The following LRRC37A2 variants were observed in gnomAD, a reference collection of about 807,000 sequenced individuals.
LRRC37A2 encodes the protein leucine rich repeat containing 37 member A2.
Under a neutral mutation model 68.8 loss-of-function variants are expected in LRRC37A2, and 9 were observed. The ratio of observed to expected loss-of-function variants is 0.13; its 90% confidence interval spans 0.08 to 0.23. LRRC37A2 has a LOEUF of 0.23. Ranked by LOEUF, LRRC37A2 falls within the 10% of genes least tolerant of loss-of-function variation. The pLI is 1.00. For synonymous variants in LRRC37A2, 63 were observed against 367.6 expected, an observed-to-expected ratio of 0.17 and a Z score of 9.48; for missense variants, 168 against 950.4, an observed-to-expected ratio of 0.18 and a Z score of 10.82.
chr17:46,773,615 C>T, the LRRC37A2 span: 1 of 1,035,722 alleles, frequency 9.7e-7, no homozygotes, highest in South Asian at 1.4e-5. Context: ...GCATACAGTC[C>T]TGATCCCTCC....
At chr17:46,573,076 A>G in the LRRC37A2 span, among the ~76,000 whole-genome samples, 1 of 96,074 alleles carries the variant, frequency 1.0e-5, no homozygotes, top group Non-Finnish European at 2.2e-5. Flanking sequence ...CCAAATCCCA[A>G]ACATGACTGT....
At chr17:47,032,814 A>C in the LRRC37A2 span, among the ~76,000 whole-genome samples, 2 of 152,198 alleles carry the variant, frequency 1.3e-5, no homozygotes, top group East Asian at 3.8e-4. Context: ...AGAAAGTGAC[A>C]GAGCCAGAAT....
chr17:46,805,012 G>C, the LRRC37A2 span, among the ~76,000 whole-genome samples: 1 of 146,770 alleles, frequency 6.8e-6, no homozygotes, highest in Non-Finnish European at 1.5e-5. Context: ...GATAACTCTT[G>C]CTGTTGCTCA....
At chr17:46,541,594 T>C (rs1396711649) in intron 8 of LRRC37A2, among the ~76,000 whole-genome samples, 1 of 150,906 alleles carries the variant, frequency 6.6e-6, no homozygotes. Flanking sequence ...ACCATCCATG[T>C]TGTTGCACCT....
the LRRC37A2 span, among the ~76,000 whole-genome samples, chr17:46,956,989 C>T: frequency 0.016 from 2,486 of 152,266 alleles, 68 homozygotes; most frequent in African/African-American, 0.057. Flanking sequence ...GTGAGCTGGG[C>T]GAGGCTGCCC....
At chr17:47,028,035 C>T in the LRRC37A2 span, among the ~76,000 whole-genome samples, 1 of 152,170 alleles carries the variant, frequency 6.6e-6, no homozygotes, top group Admixed American at 6.5e-5. Context: ...AAATCCTGTT[C>T]TAGAGAAATA....
At chr17:46,696,411 G>T in the LRRC37A2 span, among the ~76,000 whole-genome samples, 1 of 140,638 alleles carries the variant, frequency 7.1e-6, no homozygotes, top group Non-Finnish European at 1.5e-5. Context: ...GCAAGAGAGT[G>T]AACTCATGTC....
At chr17:47,018,852 A>C in the LRRC37A2 span, 8 of 1,520,074 alleles carry the variant, frequency 5.3e-6, no homozygotes, top group Non-Finnish European at 7.3e-6. Flanking sequence ...GTTTACCATC[A>C]CTCCAGAATC....
At chr17:47,033,128 A>C in the LRRC37A2 span, 3 of 585,340 alleles carry the variant, frequency 5.1e-6, no homozygotes, top group Admixed American at 9.2e-5. Context: ...GAGGCAGGAG[A>C]ATCACTTGAC....
chr17:47,042,908 CAT>C, the LRRC37A2 span, among the ~76,000 whole-genome samples: 3 of 140,216 alleles, frequency 2.1e-5, no homozygotes, highest in Admixed American at 1.5e-4. Flanking sequence ...TATATAAACA[CAT>C]GAGTTCAAAT....
the LRRC37A2 span, chr17:46,875,035 C>G: frequency 6.2e-7 from 1 of 1,612,972 alleles, no homozygotes; most frequent in Non-Finnish European, 8.5e-7. Flanking sequence ...CAGGCAACCT[C>G]TAAGCTTCCT....
the LRRC37A2 span, among the ~76,000 whole-genome samples, chr17:46,675,600 GCATACATACATATT>G: frequency 7.2e-3 from 949 of 131,746 alleles, 137 homozygotes; most frequent in African/African-American, 0.028. Flanking sequence ...GGGTGTATAT[GCATACATACATATT>G]CATAGAGATT....
At chr17:46,520,775 A>T (rs2052170180) in intron 4 of LRRC37A2, among the ~76,000 whole-genome samples, 1 of 42,944 alleles carries the variant, frequency 2.3e-5, no homozygotes, top group Admixed American at 2.4e-4. Context: ...AATTTCAAAA[A>T]GTTGGTTTAG....
the LRRC37A2 span, chr17:46,966,765 A>G: frequency 1.3e-4 from 61 of 465,326 alleles, no homozygotes; most frequent in African/African-American, 1.2e-3. Flanking sequence ...TGGAGATGAC[A>G]ATAGCACCTG....
chr17:46,785,934 C>T, the LRRC37A2 span, among the ~76,000 whole-genome samples: 1 of 152,224 alleles, frequency 6.6e-6, no homozygotes, highest in South Asian at 2.1e-4. Flanking sequence ...GGAGCGCCTG[C>T]CTGCGGCTCT....
chr17:46,739,732 A>ATT, the LRRC37A2 span, among the ~76,000 whole-genome samples: 1 of 147,146 alleles, frequency 6.8e-6, no homozygotes, highest in Non-Finnish European at 1.5e-5. Flanking sequence ...TTTTTTTCTG[A>ATT]TTTTTTTTTT....
chr17:46,601,854 G>A, the LRRC37A2 span, among the ~76,000 whole-genome samples: 8 of 150,634 alleles, frequency 5.3e-5, no homozygotes, highest in South Asian at 1.7e-3. Flanking sequence ...ATGAATTCTG[G>A]GAACAACTTA....
At chr17:46,708,820 A>ATT in the LRRC37A2 span, among the ~76,000 whole-genome samples, 14 of 98,550 alleles carry the variant, frequency 1.4e-4, no homozygotes, top group African/African-American at 5.0e-4. Flanking sequence ...ATATATATAT[A>ATT]TATTTTTTTT....
chr17:46,736,867 C>G, the LRRC37A2 span, among the ~76,000 whole-genome samples: 1 of 152,306 alleles, frequency 6.6e-6, no homozygotes, highest in East Asian at 1.9e-4. Flanking sequence ...CTAACTCTCA[C>G]AGTTGTCCTG....
Sources: gnomAD v4.1 joint callset for allele counts (sites outside exome capture counted in the v4.1 genomes callset) on GRCh38, gnomAD v4.1.1 for gene constraint, MANE v1.5 for transcripts, NCBI Gene and HGNC (gene_info 2026-07-23, HGNC 2026-07-21) for gene names.